GPC3: variants seen among roughly 807,000 people sequenced by gnomAD.
The protein encoded by GPC3 is glypican-3.
GPC3 carries 3 observed loss-of-function variants against 34.4 expected under a neutral mutation model. That is an observed-to-expected ratio of 0.09 (90% CI 0.04 to 0.23). GPC3 has a LOEUF of 0.23. GPC3 is among the 10% of genes least tolerant of loss of function. The pLI, the probability that GPC3 is intolerant of heterozygous loss-of-function variation, is 1.00. For synonymous variants in GPC3, 177 were observed against 174.0 expected (o/e 1.02, Z -0.13); for missense variants, 351 against 445.6 (o/e 0.79, Z 1.91).
At chrX:133,984,406 T>C (rs945983310) in intron 1 of GPC3, among the ~76,000 whole-genome samples, 9 of 112,777 alleles carry the variant, frequency 8.0e-5, no homozygotes, top group Non-Finnish European at 1.3e-4. Context: ...GCAGGGCCAT[T>C]AATATTCATC....
At chrX:133,693,205 CAGAG>C (rs1200832629) in intron 4 of GPC3, among the ~76,000 whole-genome samples, 2 of 70,008 alleles carry the variant, frequency 2.9e-5, no homozygotes, top group Non-Finnish European at 6.3e-5. Flanking sequence ...GTGTGTGAGA[CAGAG>C]AGAGAGAGAA....
chrX:133,845,417 G>A (rs906464745), intron 2 of GPC3, among the ~76,000 whole-genome samples: 3 of 111,195 alleles, frequency 2.7e-5, no homozygotes, highest in Admixed American at 9.6e-5. Flanking sequence ...TTTAGCCTTC[G>A]AGCAAGAATA....
chrX:133,895,511 T>C (rs760449067), intron 2 of GPC3, among the ~76,000 whole-genome samples: 1 of 111,287 alleles, frequency 9.0e-6, no homozygotes, highest in African/African-American at 3.3e-5. Flanking sequence ...AAAGAAATCA[T>C]AGGTAGCAGC....
At chrX:133,693,958 T>A (rs1212702394) in intron 4 of GPC3, among the ~76,000 whole-genome samples, 1 of 110,667 alleles carries the variant, frequency 9.0e-6, no homozygotes, top group Non-Finnish European at 1.9e-5. Context: ...GCCTTTCATA[T>A]TTGTCCTTTT....
At chrX:133,954,738 C>CTTTTTT (rs1166218378) in intron 1 of GPC3, among the ~76,000 whole-genome samples, 5 of 53,776 alleles carry the variant, frequency 9.3e-5, no homozygotes, top group African/African-American at 1.5e-4. Context: ...CAAACTTTCT[C>CTTTTTT]TTTTTTTTTT....
intron 1 of GPC3, among the ~76,000 whole-genome samples, chrX:133,954,566 T>C (rs2076407854): frequency 9.2e-6 from 1 of 109,127 alleles, no homozygotes; most frequent in Non-Finnish European, 1.9e-5. Flanking sequence ...GTTTTGCATA[T>C]GGTAGTCAGA....
intron 6 of GPC3, among the ~76,000 whole-genome samples, chrX:133,615,438 T>C (rs1289896851): frequency 3.6e-5 from 4 of 111,080 alleles, no homozygotes; most frequent in Non-Finnish European, 7.5e-5. Context: ...ATATATTATA[T>C]AAATCATTAT....
Position 133,925,810 on chromosome X carries a change from C to T in GPC3, c.337+27240G>A, listed in dbSNP as rs371037266. ...CCCTGTGCATCACACTGGGCAATTC[C>T]GAGTACCACAATTTAGAAGGATAAC... On this transcript the variant is annotated intron_variant, in intron 2 of 7. Coordinates refer to ENST00000370818, the MANE Select transcript of GPC3 (RefSeq NM_004484.4). Among the ~76,000 whole-genome samples, 5 of 111,369 alleles carry T rather than the reference C, an allele frequency of 4.5e-5. No individual in the cohort carries two copies. In the East Asian group the frequency reaches 8.5e-4, roughly 19 times the overall value.
At chrX:133,671,335 CA>C in intron 5 of GPC3, 1 of 679,860 alleles carries the variant, frequency 1.5e-6, no homozygotes, top group Non-Finnish European at 2.4e-6. Context: ...TAAAGAAAGT[CA>C]GGGGGACCGC....
chrX:133,973,243 A>G (rs1479124682), intron 1 of GPC3, among the ~76,000 whole-genome samples: 1 of 112,533 alleles, frequency 8.9e-6, no homozygotes, highest in Non-Finnish European at 1.9e-5. Context: ...TGGAAACAGC[A>G]TGAGCTATGG....
At chrX:133,739,049 T>G (rs992892347) in intron 3 of GPC3, among the ~76,000 whole-genome samples, 5 of 111,667 alleles carry the variant, frequency 4.5e-5, no homozygotes, top group African/African-American at 1.3e-4. Context: ...ACTGTCTTAG[T>G]GTGCCTAATT....
intron 2 of GPC3, among the ~76,000 whole-genome samples, chrX:133,773,220 T>C (rs1031026342): frequency 1.4e-4 from 16 of 110,906 alleles, no homozygotes; most frequent in African/African-American, 4.6e-4. Context: ...CCCAGCTAAT[T>C]ATTGCATTTT....
intron 3 of GPC3, among the ~76,000 whole-genome samples, chrX:133,741,601 G>C (rs1040386225): frequency 8.9e-6 from 1 of 112,421 alleles, no homozygotes; most frequent in Admixed American, 9.4e-5. Context: ...CTGCAGTAGA[G>C]AGCAATTAGC....
intron 2 of GPC3, among the ~76,000 whole-genome samples, chrX:133,937,289 G>C (rs2076327380): frequency 9.0e-6 from 1 of 110,939 alleles, no homozygotes; most frequent in Non-Finnish European, 1.9e-5. Context: ...CACACACAAA[G>C]ACACACACAT....
At chrX:133,609,785 T>C (rs1217281063) in intron 6 of GPC3, among the ~76,000 whole-genome samples, 1 of 112,492 alleles carries the variant, frequency 8.9e-6, no homozygotes, top group Non-Finnish European at 1.9e-5. Context: ...TGGCCTAAAC[T>C]AACCTTCACA....
intron 5 of GPC3, chrX:133,671,431 G>A: frequency 4.3e-6 from 2 of 470,004 alleles, no homozygotes; most frequent in Admixed American, 3.6e-5. Context: ...TTTTTCATGA[G>A]AGGATTTATA....
chrX:133,585,941 T>C (rs2069784449), intron 7 of GPC3, among the ~76,000 whole-genome samples: 1 of 112,186 alleles, frequency 8.9e-6, no homozygotes, highest in Non-Finnish European at 1.9e-5. Flanking sequence ...TTGCTCACAA[T>C]ATCCCTAATA....
chrX:133,826,042 C>T (rs2075744420), intron 2 of GPC3, among the ~76,000 whole-genome samples: 1 of 111,789 alleles, frequency 8.9e-6, no homozygotes, highest in African/African-American at 3.3e-5. Context: ...GCAACAAACA[C>T]TGGGGAAGGG....
intron 2 of GPC3, among the ~76,000 whole-genome samples, chrX:133,772,796 T>C (rs181088664): frequency 9.0e-6 from 1 of 111,700 alleles, no homozygotes; most frequent in East Asian, 2.8e-4. Flanking sequence ...ATTACATTAT[T>C]ATTTAATTAT....
Sources: gnomAD v4.1 joint callset for allele counts (sites outside exome capture counted in the v4.1 genomes callset) on GRCh38, gnomAD v4.1.1 for gene constraint, MANE v1.5 for transcripts, NCBI Gene and HGNC (gene_info 2026-07-23, HGNC 2026-07-21) for gene names.